ELAVL4: variants seen among roughly 807,000 people sequenced by gnomAD.
ELAVL4 encodes the protein ELAV like RNA binding protein 4.
Under a neutral mutation model 35.6 loss-of-function variants are expected in ELAVL4, and 1 was observed. The observed-to-expected ratio is 0.03, with a 90% CI of 0.01 to 0.13. ELAVL4 has a LOEUF of 0.13. ELAVL4 is among the 10% of genes least tolerant of loss of function. The pLI is 1.00. For missense variants in ELAVL4, 267 were observed against 464.9 expected, an observed-to-expected ratio of 0.57 and a Z score of 3.91; for synonymous variants, 156 against 171.0, an observed-to-expected ratio of 0.91 and a Z score of 0.69.
At chr1:50,194,146 A>G (rs1572621969) in intron 4 of ELAVL4, among the ~76,000 whole-genome samples, 1 of 152,196 alleles carries the variant, frequency 6.6e-6, no homozygotes, top group East Asian at 1.9e-4. Context: ...CAGCAGCTAA[A>G]CTACTTGCCA....
chr1:50,144,971 G>T lies in ELAVL4; in HGVS notation c.24G>T (p.Met8Ile). 1 of 1,613,682 alleles carries T rather than the reference G, an allele frequency of 6.2e-7. No individual in the cohort carries two copies. Among genetic ancestry groups the T allele is most frequent in the Non-Finnish European group, 8.5e-7 (1 of 1,179,848 alleles). MVMIIST[M>I]EPQVSNGPTS... The stretch of plus-strand genomic sequence containing the variant: ...TTTTTATTTAGATAATTAGCACCAT[G>T]GAGCCTCAGGTGTCAAATGGTCCGA... Residue 8 changes from methionine (M) to isoleucine (I), a missense_variant, in exon 2 of 7, where the codon ATG becomes ATT. Physicochemically the swap from Met to Ile is conservative, Grantham distance 10. Coordinates refer to ENST00000371824, the MANE Select transcript of ELAVL4 (RefSeq NM_001144774.3).
chr1:50,103,893 G>A, upstream of ELAVL4: 1 of 1,608,976 alleles, frequency 6.2e-7, no homozygotes, highest in Non-Finnish European at 8.5e-7. Context: ...AGGGACTGGT[G>A]TGAAGAGAGA....
intron 1 of ELAVL4, among the ~76,000 whole-genome samples, chr1:50,119,036 A>AAAAAGAAAG (rs1469155235): frequency 1.6e-5 from 2 of 127,174 alleles, no homozygotes; most frequent in African/African-American, 6.1e-5. Context: ...GAAAGAAAGA[A>AAAAAGAAAG]AAAGAAAGAA....
At chr1:50,084,173 A>G (rs548030415) in intron 1 of ELAVL4, among the ~76,000 whole-genome samples, 3 of 152,242 alleles carry the variant, frequency 2.0e-5, no homozygotes, top group East Asian at 3.8e-4. Context: ...ATAAAACAGT[A>G]TAAAGATGAT....
intron 1 of ELAVL4, among the ~76,000 whole-genome samples, chr1:50,055,979 A>G (rs1310506812): frequency 6.6e-6 from 1 of 152,196 alleles, no homozygotes; most frequent in Non-Finnish European, 1.5e-5. Flanking sequence ...AGGACTCTGT[A>G]TAACTTTGCT....
intron 3 of ELAVL4, among the ~76,000 whole-genome samples, chr1:50,185,664 T>C (rs760306423): frequency 7.9e-5 from 12 of 152,164 alleles, no homozygotes; most frequent in Non-Finnish European, 1.6e-4. Context: ...CAAGAAATGC[T>C]CCCCAGGATG....
At chr1:50,157,243 C>T (rs1452318354) in intron 2 of ELAVL4, among the ~76,000 whole-genome samples, 1 of 152,100 alleles carries the variant, frequency 6.6e-6, no homozygotes, top group Non-Finnish European at 1.5e-5. Flanking sequence ...GTGGATCAAG[C>T]CATTCTGTGC....
chr1:50,189,215 G>T (rs1025786656), intron 3 of ELAVL4, among the ~76,000 whole-genome samples: 3 of 152,206 alleles, frequency 2.0e-5, no homozygotes, highest in Admixed American at 6.5e-5. Context: ...GACAGACAAG[G>T]AGTGAGGTAT....
intron 3 of ELAVL4, among the ~76,000 whole-genome samples, chr1:50,192,521 A>ACG (rs1553190650): frequency 5.2e-5 from 5 of 95,326 alleles, no homozygotes; most frequent in African/African-American, 1.9e-4. Flanking sequence ...GTGTGCACGC[A>ACG]CACACACACA....
upstream of ELAVL4, among the ~76,000 whole-genome samples, chr1:50,101,887 C>T (rs376810558): frequency 2.6e-5 from 4 of 152,200 alleles, no homozygotes; most frequent in East Asian, 7.7e-4. Flanking sequence ...TCACTACTGA[C>T]AATTTACTGG....
intron 1 of ELAVL4, among the ~76,000 whole-genome samples, chr1:50,056,683 T>C (rs1247252237): frequency 6.6e-6 from 1 of 152,252 alleles, no homozygotes; most frequent in African/African-American, 2.4e-5. Context: ...ACGCCTGTAA[T>C]CCCAGCACAT....
intron 3 of ELAVL4, among the ~76,000 whole-genome samples, chr1:50,187,066 G>C (rs1482938466): frequency 6.6e-6 from 1 of 152,174 alleles, no homozygotes; most frequent in Non-Finnish European, 1.5e-5. Context: ...AGAAGGCCCT[G>C]GCAGCATCAG....
chr1:50,070,364 C>T (rs1664457417), intron 1 of ELAVL4, among the ~76,000 whole-genome samples: 1 of 152,196 alleles, frequency 6.6e-6, no homozygotes, highest in South Asian at 2.1e-4. Flanking sequence ...GAATGGGGTC[C>T]TCTATGGGAC....
At chr1:50,115,052 C>G (rs1445799026) in intron 1 of ELAVL4, 2 of 152,056 alleles carry the variant, frequency 1.3e-5, no homozygotes, top group Admixed American at 6.6e-5. Flanking sequence ...GTCTCCGTCT[C>G]TCTGTCTCTC....
upstream of ELAVL4, among the ~76,000 whole-genome samples, chr1:50,107,734 TTAAA>T (rs1356385117): frequency 6.6e-6 from 1 of 152,204 alleles, no homozygotes; most frequent in Non-Finnish European, 1.5e-5. Flanking sequence ...AAATTATGAG[TTAAA>T]TAAATAGTGA....
chr1:50,090,459 TG>T (rs1665441300), intron 1 of ELAVL4, among the ~76,000 whole-genome samples: 1 of 151,658 alleles, frequency 6.6e-6, no homozygotes, highest in Non-Finnish European at 1.5e-5. Context: ...GTATTGCAAT[TG>T]AAAAAAAAAA....
chr1:50,200,470 C>A (rs1305454916), intron 6 of ELAVL4, among the ~76,000 whole-genome samples: 2 of 151,942 alleles, frequency 1.3e-5, no homozygotes, highest in African/African-American at 4.8e-5. Flanking sequence ...TGAAATAGAC[C>A]CTTTCCTCCA....
At chr1:50,066,718 A>G (rs1356335883) in intron 1 of ELAVL4, among the ~76,000 whole-genome samples, 3 of 152,148 alleles carry the variant, frequency 2.0e-5, no homozygotes, top group South Asian at 2.1e-4. Context: ...AAAGTTTTGG[A>G]TACACTGAAA....
At chr1:50,119,463 G>A (rs1479955220) in intron 1 of ELAVL4, among the ~76,000 whole-genome samples, 1 of 152,060 alleles carries the variant, frequency 6.6e-6, no homozygotes, top group Non-Finnish European at 1.5e-5. Context: ...TTCTTGCTAG[G>A]TAGGTGTTTG....
Sources: gnomAD v4.1 joint callset for allele counts (sites outside exome capture counted in the v4.1 genomes callset) on GRCh38, gnomAD v4.1.1 for gene constraint, MANE v1.5 for transcripts, NCBI Gene and HGNC (gene_info 2026-07-23, HGNC 2026-07-21) for gene names.